The following PIP5K1B variants were observed in gnomAD, a reference collection of about 807,000 sequenced individuals.
The protein encoded by PIP5K1B is phosphatidylinositol 4-phosphate 5-kinase type-1 beta.
PIP5K1B carries 42 observed loss-of-function variants against 67.0 expected under a neutral mutation model. The observed-to-expected ratio is 0.63, with a 90% CI of 0.49 to 0.81. PIP5K1B has a LOEUF of 0.81. PIP5K1B is among the 30% of genes least tolerant of loss of function. The pLI is 0.00. For missense variants in PIP5K1B, 459 were observed against 646.3 expected (o/e 0.71, Z 3.14); for synonymous variants, 214 against 231.4 (o/e 0.92, Z 0.68).
intron 2 of PIP5K1B, among the ~76,000 whole-genome samples, chr9:68,743,207 CTTTT>C (rs113151542): frequency 7.3e-6 from 1 of 137,598 alleles, no homozygotes; most frequent in Non-Finnish European, 1.6e-5. Context: ...AATACCAAAA[CTTTT>C]TTTTTTTTTT....
chr9:68,822,298 G>C, intron 3 of PIP5K1B: 1 of 195,802 alleles, frequency 5.1e-6, no homozygotes, highest in Non-Finnish European at 1.0e-5. Context: ...TCCAATTCCA[G>C]CCTGGGTGAT....
chr9:68,852,364 T>TAAAA (rs896543740), intron 4 of PIP5K1B, among the ~76,000 whole-genome samples: 3 of 143,518 alleles, frequency 2.1e-5, no homozygotes, highest in African/African-American at 7.7e-5. Flanking sequence ...CCCCAAGCCA[T>TAAAA]AAAAAGGTAA....
intron 13 of PIP5K1B, 74 bp from the exon 14 acceptor site, chr9:68,940,572 T>G: frequency 7.3e-7 from 1 of 1,374,054 alleles, no homozygotes; most frequent in Non-Finnish European, 1.0e-6. Context: ...TTTTGACTCA[T>G]TTCAATTATT....
intron 4 of PIP5K1B, among the ~76,000 whole-genome samples, chr9:68,854,877 G>A (rs569439431): frequency 8.7e-4 from 133 of 152,082 alleles, no homozygotes; most frequent in African/African-American, 3.0e-3. Context: ...ACGTGTACTT[G>A]GTTTTTCTTG....
Position 68,822,693 on chromosome 9 carries a change from C to T in PIP5K1B, c.69+10C>T. The T allele has an allele frequency of 6.3e-7, 1 of 1,594,736 alleles. No individual in the cohort carries two copies. The highest frequency in any genetic ancestry group is 8.6e-7 in the Non-Finnish European group (1 of 1,163,746). On this transcript the variant is annotated intron_variant, in intron 4 of 15. Coordinates refer to ENST00000265382, the MANE Select transcript of PIP5K1B (RefSeq NM_003558.4). ...AAAAACCTATAAAAAGGTGAGTGTG[C>T]ATTTTATTTTCTAAAGAGGAACACC...
chr9:68,822,075 A>G (rs1833756541), intron 3 of PIP5K1B, among the ~76,000 whole-genome samples: 1 of 152,224 alleles, frequency 6.6e-6, no homozygotes, highest in Non-Finnish European at 1.5e-5. Context: ...AGTAGAATTG[A>G]GTAATTTTTT....
rs150114836 is a variant in PIP5K1B, at chr9:68,916,769, G to A, written c.772-779G>A. Among the ~76,000 whole-genome samples, 47 of 152,218 alleles carry A rather than the reference G, an allele frequency of 3.1e-4. 1 individual carries two copies. In the East Asian group the frequency reaches 7.9e-3, roughly 26 times the overall value. Reference sequence around the variant, plus strand: ...CACCTGTAATACCAGCTACTTGGGAGGCTGAGGCAGTAGAATCGTTTGAAC... The same window carrying A: ...CACCTGTAATACCAGCTACTTGGGAAGCTGAGGCAGTAGAATCGTTTGAAC... On this transcript the variant is annotated intron_variant, in intron 8 of 15. Transcript: ENST00000265382.
intron 4 of PIP5K1B, among the ~76,000 whole-genome samples, chr9:68,859,975 A>G (rs1822978246): frequency 6.6e-6 from 1 of 152,196 alleles, no homozygotes; most frequent in African/African-American, 2.4e-5. Flanking sequence ...TGAAATATGT[A>G]TACGTTGTGA....
chr9:68,822,017 G>T (rs1379584217), intron 3 of PIP5K1B, among the ~76,000 whole-genome samples: 1 of 152,126 alleles, frequency 6.6e-6, no homozygotes, highest in Non-Finnish European at 1.5e-5. Context: ...CATAATAAAA[G>T]GTAGAAATAA....
chr9:68,913,488 G>A (rs1378080317), intron 8 of PIP5K1B, among the ~76,000 whole-genome samples: 1 of 152,142 alleles, frequency 6.6e-6, no homozygotes, highest in South Asian at 2.1e-4. Context: ...TATGAGTAAC[G>A]GAACTATTTT....
intron 2 of PIP5K1B, chr9:68,786,183 A>C (rs1430656959): frequency 6.6e-6 from 1 of 152,104 alleles, no homozygotes; most frequent in African/African-American, 2.4e-5. Context: ...TTCCCTTATG[A>C]CCATTTGCCT....
chr9:68,777,958 G>C (rs746406777), intron 2 of PIP5K1B, among the ~76,000 whole-genome samples: 25 of 152,070 alleles, frequency 1.6e-4, no homozygotes, highest in Non-Finnish European at 2.6e-4. Flanking sequence ...TCAGTCATTT[G>C]TGTCTCCTGT....
chr9:68,900,573 A>G (rs1176170034), intron 8 of PIP5K1B, among the ~76,000 whole-genome samples: 1 of 152,212 alleles, frequency 6.6e-6, no homozygotes, highest in Non-Finnish European at 1.5e-5. Context: ...ACTCTGGGAA[A>G]TGACTTTGAG....
intron 7 of PIP5K1B, among the ~76,000 whole-genome samples, chr9:68,893,172 A>G (rs996164295): frequency 1.3e-5 from 2 of 152,168 alleles, no homozygotes; most frequent in Non-Finnish European, 2.9e-5. Flanking sequence ...CTGGAATGAA[A>G]TAAAGTGAGA....
At chr9:68,932,693 G>A (rs1054732872) in intron 12 of PIP5K1B, among the ~76,000 whole-genome samples, 2 of 152,076 alleles carry the variant, frequency 1.3e-5, no homozygotes, top group African/African-American at 2.4e-5. Context: ...AAGTGAAAAA[G>A]GCAAATAATG....
chr9:68,822,338 A>AAG, intron 3 of PIP5K1B: 3 of 236,362 alleles, frequency 1.3e-5, no homozygotes, highest in Non-Finnish European at 1.6e-5. Flanking sequence ...AAAAAAAAAA[A>AAG]GCTTTGTAGA....
intron 4 of PIP5K1B, among the ~76,000 whole-genome samples, chr9:68,830,327 A>G (rs1166880143): frequency 6.6e-6 from 1 of 151,890 alleles, no homozygotes; most frequent in Non-Finnish European, 1.5e-5. Context: ...CTCCTTCCTC[A>G]CTAAGTACTA....
At chr9:69,007,836 A>G (rs1055393292) in intron 15 of PIP5K1B, among the ~76,000 whole-genome samples, 6 of 152,122 alleles carry the variant, frequency 3.9e-5, no homozygotes, top group Admixed American at 6.5e-5. Context: ...CAGCCTGGGC[A>G]ACAGAGTGAG....
rs1823524245 is a variant in PIP5K1B, at chr9:68,869,490, C to G, written c.200+5523C>G. 3.9e-5 allele frequency among the ~76,000 whole-genome samples: 6 copies of G among 152,190 alleles called. No homozygotes were observed. The South Asian group carries it at 1.2e-3, about 31-fold the overall frequency. On this transcript the variant is annotated intron_variant, in intron 5 of 15. Coordinates refer to ENST00000265382, the MANE Select transcript of PIP5K1B (RefSeq NM_003558.4). ...GACCACTGTCTTATATCATGTGGGT[C>G]AGCATACAACAGCCCATGGGACAGG...
Sources: allele counts gnomAD v4.1 joint callset (sites outside exome capture counted in the v4.1 genomes callset), GRCh38; gene constraint gnomAD v4.1.1; transcripts MANE v1.5; gene names NCBI Gene and HGNC (gene_info 2026-07-23, HGNC 2026-07-21).